CSMD3: variants seen among roughly 807,000 people sequenced by gnomAD.
The protein encoded by CSMD3 is CUB and sushi domain-containing protein 3.
Under a neutral mutation model 435.2 loss-of-function variants are expected in CSMD3, and 177 were observed. The observed-to-expected ratio is 0.41, with a 90% CI of 0.36 to 0.46. The LOEUF is 0.46. Ranked by LOEUF, CSMD3 falls within the 20% of genes least tolerant of loss-of-function variation. CSMD3 has a pLI of 0.34. For missense variants in CSMD3, 4,265 were observed against 4,504.6 expected (o/e 0.95, Z 1.52); for synonymous variants, 1,656 against 1,520.5 (o/e 1.09, Z -2.07).
At chr8:113,020,390 T>G (rs958572760) in intron 5 of CSMD3, among the ~76,000 whole-genome samples, 5 of 152,216 alleles carry the variant, frequency 3.3e-5, no homozygotes, top group Admixed American at 6.5e-5. Flanking sequence ...ATGATTAATA[T>G]ATAAAGTACC....
chr8:113,022,578 C>T (rs1564219310), intron 5 of CSMD3, among the ~76,000 whole-genome samples: 1 of 151,436 alleles, frequency 6.6e-6, no homozygotes, highest in Non-Finnish European at 1.5e-5. Context: ...AATAAAGTTT[C>T]CATTGTTTTA....
intron 17 of CSMD3, among the ~76,000 whole-genome samples, chr8:112,662,364 T>C (rs1727589675): frequency 6.6e-6 from 1 of 151,860 alleles, no homozygotes; most frequent in Non-Finnish European, 1.5e-5. Flanking sequence ...TCAGAAATAA[T>C]GCCACATATC....
chr8:113,055,648 T>C (rs2088295738), intron 5 of CSMD3, among the ~76,000 whole-genome samples: 1 of 152,204 alleles, frequency 6.6e-6, no homozygotes, highest in South Asian at 2.1e-4. Flanking sequence ...TCTGGTTTAC[T>C]GCAAAAACAG....
At chr8:112,843,048 A>C (rs983232422) in intron 11 of CSMD3, among the ~76,000 whole-genome samples, 3 of 151,880 alleles carry the variant, frequency 2.0e-5, no homozygotes, top group Admixed American at 1.3e-4. Flanking sequence ...TTTAAGAATA[A>C]AATAAACATA....
At chr8:113,083,690 C>T (rs2089650952) in intron 5 of CSMD3, among the ~76,000 whole-genome samples, 1 of 150,028 alleles carries the variant, frequency 6.7e-6, no homozygotes, top group South Asian at 2.1e-4. Context: ...TAGATCTCAC[C>T]TATCTACAAC....
At chr8:112,625,104 C>A (rs1363632688) in intron 22 of CSMD3, among the ~76,000 whole-genome samples, 1 of 151,840 alleles carries the variant, frequency 6.6e-6, no homozygotes, top group East Asian at 1.9e-4. Flanking sequence ...ACCTGAGAAA[C>A]AAATCTGTAA....
At chr8:112,887,931 T>C (rs1278975608) in intron 10 of CSMD3, among the ~76,000 whole-genome samples, 1 of 151,678 alleles carries the variant, frequency 6.6e-6, no homozygotes, top group African/African-American at 2.4e-5. Flanking sequence ...CCTTCCTGGG[T>C]GGGAAGCTGT....
chr8:112,912,440 T>C (rs1335249862), intron 10 of CSMD3, among the ~76,000 whole-genome samples: 1 of 151,864 alleles, frequency 6.6e-6, no homozygotes, highest in African/African-American at 2.4e-5. Flanking sequence ...ATATTTTTGA[T>C]GATAGGCAAC....
intron 13 of CSMD3, among the ~76,000 whole-genome samples, chr8:112,719,461 G>A (rs183740438): frequency 9.2e-5 from 14 of 152,250 alleles, no homozygotes; most frequent in Non-Finnish European, 1.3e-4. Context: ...GTCTAAGATC[G>A]GGGTGCTGGC....
intron 35 of CSMD3, among the ~76,000 whole-genome samples, chr8:112,399,239 TTAAAATA>T (rs958387754): frequency 6.7e-6 from 1 of 149,252 alleles, no homozygotes; most frequent in Admixed American, 6.8e-5. Context: ...TTGAAAGTTT[TTAAAATA>T]TAGAAGTTTT....
chr8:112,481,003 A>G (rs537411061), intron 31 of CSMD3, among the ~76,000 whole-genome samples: 1 of 152,160 alleles, frequency 6.6e-6, no homozygotes, highest in Non-Finnish European at 1.5e-5. Context: ...AAATGTGTCC[A>G]TGATCCAACT....
Position 113,255,278 on chromosome 8 carries a change from T to C in CSMD3, c.514+23314A>G, listed in dbSNP as rs183536311. ...GGATGCCAGCTCTGTTACTTACATA[T>C]AATAAAGACTGCCCTCATTTTTGGA... On this transcript the variant is annotated intron_variant, in intron 3 of 70. Transcript: ENST00000297405. Among the ~76,000 whole-genome samples the C allele has an allele frequency of 4.2e-3, 640 of 152,238 alleles. 7 individuals carry two copies. Among genetic ancestry groups the C allele is most frequent in the South Asian group, 0.022 (106 of 4,826 alleles).
chr8:112,949,726 C>T (rs1187988941), intron 8 of CSMD3, among the ~76,000 whole-genome samples: 1 of 151,976 alleles, frequency 6.6e-6, no homozygotes, highest in Non-Finnish European at 1.5e-5. Context: ...AAACACAGTT[C>T]TTATTACTGC....
At chr8:112,574,643 T>C (rs759375959) in intron 23 of CSMD3, among the ~76,000 whole-genome samples, 4 of 151,996 alleles carry the variant, frequency 2.6e-5, no homozygotes, top group Non-Finnish European at 4.4e-5. Context: ...AACATAATCA[T>C]TATGACCCCC....
chr8:113,360,651 G>C (rs1291926922), intron 1 of CSMD3, among the ~76,000 whole-genome samples: 1 of 140,776 alleles, frequency 7.1e-6, no homozygotes, highest in East Asian at 2.2e-4. Context: ...TCGGCTCACT[G>C]CAAGCTCCGC....
At chr8:112,897,808 A>G (rs1027700323) in intron 10 of CSMD3, among the ~76,000 whole-genome samples, 3 of 150,734 alleles carry the variant, frequency 2.0e-5, no homozygotes, top group Non-Finnish European at 3.0e-5. Flanking sequence ...GAAAGACAAA[A>G]TACTCTCTAA....
intron 24 of CSMD3, among the ~76,000 whole-genome samples, chr8:112,571,768 C>A (rs1754758539): frequency 6.6e-6 from 1 of 151,220 alleles, no homozygotes; most frequent in African/African-American, 2.4e-5. Context: ...ACTAGGGAGG[C>A]TGAAGCAGGA....
At chr8:112,226,615 A>C (rs1163723773) in intron 70 of CSMD3, among the ~76,000 whole-genome samples, 1 of 152,216 alleles carries the variant, frequency 6.6e-6, no homozygotes, top group Non-Finnish European at 1.5e-5. Flanking sequence ...AAGACAGTGA[A>C]AATACAACCC....
chr8:112,236,241 A>G (rs982792357), intron 67 of CSMD3, among the ~76,000 whole-genome samples: 9 of 152,028 alleles, frequency 5.9e-5, no homozygotes, highest in African/African-American at 2.2e-4. Flanking sequence ...TATGGGTTAT[A>G]TCTATACAGA....
Sources: allele counts gnomAD v4.1 joint callset (sites outside exome capture counted in the v4.1 genomes callset), GRCh38; gene constraint gnomAD v4.1.1; transcripts MANE v1.5; gene names NCBI Gene and HGNC (gene_info 2026-07-23, HGNC 2026-07-21).